The following RPS6KA2 variants were observed in gnomAD, a reference collection of about 807,000 sequenced individuals.
The protein encoded by RPS6KA2 is ribosomal protein S6 kinase alpha-2.
Under a neutral mutation model 91.8 loss-of-function variants are expected in RPS6KA2, and 42 were observed. The observed-to-expected ratio is 0.46, with a 90% CI of 0.36 to 0.59. The LOEUF is 0.59. RPS6KA2 is among the 20% of genes least tolerant of loss of function. The pLI, the probability that RPS6KA2 is intolerant of heterozygous loss-of-function variation, is 0.00. For synonymous variants in RPS6KA2, 414 were observed against 393.6 expected (o/e 1.05, Z -0.61); for missense variants, 798 against 978.5 (o/e 0.82, Z 2.46).
At chr6:166,862,457 C>T (rs1426773879) in exon 1 of RPS6KA2, 31 of 1,136,268 alleles carry the variant, frequency 2.7e-5, no homozygotes, top group Middle Eastern at 3.4e-4. Context: ...GCTTCCCGCT[C>T]GGGCTGGGGC....
At chr6:166,644,747 C>A (rs1361380057) in intron 2 of RPS6KA2, among the ~76,000 whole-genome samples, 4 of 152,286 alleles carry the variant, frequency 2.6e-5, no homozygotes, top group African/African-American at 9.6e-5. Context: ...AAGTCCTAAC[C>A]CCTAGTACCT....
intron 20 of RPS6KA2, among the ~76,000 whole-genome samples, chr6:166,413,271 A>T (rs2235297): frequency 0.7 from 106,925 of 152,056 alleles, 37,925 homozygotes; most frequent in South Asian, 0.84. Context: ...TGCCAGGGCC[A>T]GTCACCCTGG....
intron 2 of RPS6KA2, among the ~76,000 whole-genome samples, chr6:166,723,487 CA>C (rs1391969228): frequency 6.6e-6 from 1 of 152,304 alleles, no homozygotes; most frequent in African/African-American, 2.4e-5. Context: ...CAGCTGGTGC[CA>C]GGGGACCCCC....
At chr6:166,656,076 G>A (rs1179714853) in intron 2 of RPS6KA2, among the ~76,000 whole-genome samples, 2 of 152,220 alleles carry the variant, frequency 1.3e-5, no homozygotes, top group African/African-American at 2.4e-5. Context: ...AAACACAGGG[G>A]AAGCTCACGC....
intron 2 of RPS6KA2, among the ~76,000 whole-genome samples, chr6:166,679,352 T>G (rs1306967013): frequency 6.6e-6 from 1 of 151,216 alleles, no homozygotes; most frequent in Non-Finnish European, 1.5e-5. Context: ...TAATCACAGC[T>G]ATTCAGGAGG....
intron 8 of RPS6KA2, among the ~76,000 whole-genome samples, chr6:166,497,809 T>C (rs1220385709): frequency 6.6e-6 from 1 of 152,202 alleles, no homozygotes; most frequent in Non-Finnish European, 1.5e-5. Context: ...CCTAAAGTGC[T>C]CATGGCCTCA....
chr6:166,455,590 C>G (rs983070753), intron 12 of RPS6KA2, among the ~76,000 whole-genome samples: 8 of 152,190 alleles, frequency 5.3e-5, no homozygotes, highest in Non-Finnish European at 8.8e-5. Context: ...TCCAGACTAG[C>G]GAAGCGTCGT....
At position 166,780,744 on chromosome 6, in the gene RPS6KA2, A is replaced by G. The variant is rs146016623; in HGVS notation, c.123+77456T>C. Among the ~76,000 whole-genome samples the G allele has an allele frequency of 5.6e-3, 850 of 152,308 alleles. 5 individuals carry two copies. The highest frequency in any genetic ancestry group is 0.019 in the African/African-American group (802 of 41,558). On this transcript the variant is annotated intron_variant, in intron 2 of 21. Coordinates refer to the RPS6KA2 transcript ENST00000503859. ...ATTTAATATGCTATTTATAGTTTTCATCTGCACCTGTAGAAAATACATAAT... is the reference window on the plus strand; with the variant it reads ...ATTTAATATGCTATTTATAGTTTTCGTCTGCACCTGTAGAAAATACATAAT...
intron 2 of RPS6KA2, among the ~76,000 whole-genome samples, chr6:166,809,942 C>T (rs993070965): frequency 1.3e-5 from 2 of 152,204 alleles, no homozygotes; most frequent in East Asian, 3.8e-4. Flanking sequence ...TGTTCTCACA[C>T]TGCTATGAAG....
chr6:166,588,051 C>T (rs990416672), intron 1 of RPS6KA2, among the ~76,000 whole-genome samples: 2 of 152,194 alleles, frequency 1.3e-5, no homozygotes, highest in African/African-American at 4.8e-5. Context: ...AGAGAATTCT[C>T]GTATCATGAA....
chr6:166,536,262 G>GTTCTAAAAATGAAAT (rs1783474835), intron 2 of RPS6KA2, among the ~76,000 whole-genome samples: 1 of 152,254 alleles, frequency 6.6e-6, no homozygotes, highest in African/African-American at 2.4e-5. Context: ...AGCGGAGGCA[G>GTTCTAAAAATGAAAT]GAGGTGGAAA....
intron 2 of RPS6KA2, among the ~76,000 whole-genome samples, chr6:166,537,438 T>A (rs1203981769): frequency 6.6e-6 from 1 of 152,272 alleles, no homozygotes; most frequent in East Asian, 1.9e-4. Context: ...TTCATCCCCC[T>A]ATTTCATAAA....
In RPS6KA2 at chr6:166,849,262, G is replaced by A. The variant is rs547906073; in HGVS notation, c.123+8938C>T. Among the ~76,000 whole-genome samples the A allele has an allele frequency of 3.1e-4, 47 of 152,292 alleles. 1 individual carries two copies. In the South Asian group the frequency reaches 5.4e-3, roughly 17 times the overall value. On this transcript the variant is annotated intron_variant, in intron 2 of 21. Coordinates refer to the RPS6KA2 transcript ENST00000503859. The surrounding 1 kb of genome is among the most constrained non-coding windows in gnomAD (Gnocchi z 4.9). ...ACATGGCGTGGGTAGAGAAGTCTAC[G>A]GTAACCATGCCCCATGCCTCTGCTG...
chr6:166,656,812 T>C (rs1788015298), intron 2 of RPS6KA2, among the ~76,000 whole-genome samples: 1 of 152,280 alleles, frequency 6.6e-6, no homozygotes, highest in African/African-American at 2.4e-5. Flanking sequence ...TGCCATCGCC[T>C]CCCAGGGCCG....
intron 2 of RPS6KA2, among the ~76,000 whole-genome samples, chr6:166,797,991 AAGC>A (rs1204237134): frequency 2.0e-5 from 3 of 152,176 alleles, no homozygotes; most frequent in African/African-American, 2.4e-5. Context: ...ACACGGTGAA[AAGC>A]AGCAGAAGAA....
intron 2 of RPS6KA2, among the ~76,000 whole-genome samples, chr6:166,658,763 G>A (rs1403957028): frequency 1.3e-5 from 2 of 152,158 alleles, no homozygotes; most frequent in African/African-American, 2.4e-5. Context: ...CTGTGCAAGG[G>A]AAACTTGTTG....
chr6:166,643,551 C>CA (rs1168083191), intron 2 of RPS6KA2, among the ~76,000 whole-genome samples: 2 of 152,178 alleles, frequency 1.3e-5, no homozygotes, highest in African/African-American at 4.8e-5. Context: ...AATATAGCTT[C>CA]AAAATGTATT....
At chr6:166,706,505 C>T (rs1225096505) in intron 2 of RPS6KA2, among the ~76,000 whole-genome samples, 2 of 151,916 alleles carry the variant, frequency 1.3e-5, no homozygotes, top group African/African-American at 4.8e-5. Flanking sequence ...TCTGGGGCCT[C>T]CTGCAATTCT....
At chr6:166,591,788 C>G (rs970679790) in intron 1 of RPS6KA2, among the ~76,000 whole-genome samples, 2 of 152,222 alleles carry the variant, frequency 1.3e-5, no homozygotes, top group Non-Finnish European at 2.9e-5. Flanking sequence ...CCCCAGAAAA[C>G]TAACCCAGCA....
Sources: allele counts gnomAD v4.1 joint callset (sites outside exome capture counted in the v4.1 genomes callset), GRCh38; gene constraint gnomAD v4.1.1; non-coding constraint Gnocchi (gnomAD v3.1); transcripts MANE v1.5; gene names NCBI Gene and HGNC (gene_info 2026-07-23, HGNC 2026-07-21).